The following ANK3 variants were observed in gnomAD, a reference collection of about 807,000 sequenced individuals.
The protein encoded by ANK3 is ankyrin-3.
A neutral mutation model predicts 370.9 loss-of-function variants in ANK3; 57 were observed. The observed-to-expected ratio is 0.15, with a 90% CI of 0.12 to 0.19. ANK3 has a LOEUF of 0.19. ANK3 is among the 10% of genes least tolerant of loss of function. ANK3 has a pLI of 1.00. For missense variants in ANK3, 4,439 were observed against 5,302.1 expected (o/e 0.84, Z 5.06); for synonymous variants, 1,929 against 1,946.3 (o/e 0.99, Z 0.23).
At chr10:60,594,352 T>C (rs980278473) in intron 2 of ANK3, among the ~76,000 whole-genome samples, 6 of 152,166 alleles carry the variant, frequency 3.9e-5, no homozygotes, top group African/African-American at 1.4e-4. Context: ...TAGGCAACAG[T>C]TATTAATACA....
chr10:60,146,458 C>A (rs951715010), intron 23 of ANK3, among the ~76,000 whole-genome samples: 3 of 152,132 alleles, frequency 2.0e-5, no homozygotes, highest in Non-Finnish European at 4.4e-5. Context: ...CTCCCACCCT[C>A]CACCCCCAAG....
chr10:60,357,105 T>TA (rs2057882596), intron 1 of ANK3, among the ~76,000 whole-genome samples: 1 of 152,158 alleles, frequency 6.6e-6, no homozygotes, highest in South Asian at 2.1e-4. Context: ...CCATCGTTTT[T>TA]ACTCCACTAT....
At chr10:60,378,906 AAC>A (rs2061172010) in intron 1 of ANK3, among the ~76,000 whole-genome samples, 1 of 152,098 alleles carries the variant, frequency 6.6e-6, no homozygotes, top group Non-Finnish European at 1.5e-5. Flanking sequence ...AAAAACAATC[AAC>A]AGAGTGAAAA....
intron 28 of ANK3, among the ~76,000 whole-genome samples, chr10:60,089,287 A>G (rs995124264): frequency 3.3e-5 from 5 of 152,096 alleles, no homozygotes; most frequent in African/African-American, 1.2e-4. Flanking sequence ...CCTTCACTCT[A>G]ATAGTTATGA....
At chr10:60,627,381 G>A (rs16915242) in intron 1 of ANK3, among the ~76,000 whole-genome samples, 8,553 of 151,084 alleles carry the variant, frequency 0.057, 308 homozygotes, top group African/African-American at 0.097. Context: ...TCTACTTGAC[G>A]TCGTTATTGT....
intron 1 of ANK3, among the ~76,000 whole-genome samples, chr10:60,357,748 A>G (rs531874391): frequency 1.4e-3 from 220 of 152,182 alleles, no homozygotes; most frequent in Admixed American, 2.8e-3. Context: ...AACCCTCTTC[A>G]TTTTTCACTT....
intron 18 of ANK3, among the ~76,000 whole-genome samples, chr10:60,174,401 C>T (rs1242199523): frequency 6.6e-6 from 1 of 152,122 alleles, no homozygotes; most frequent in East Asian, 1.9e-4. Flanking sequence ...TTTTGGTGAC[C>T]AGAATCCATT....
At chr10:60,426,579 T>C (rs1346049528) in intron 2 of ANK3, among the ~76,000 whole-genome samples, 1 of 152,142 alleles carries the variant, frequency 6.6e-6, no homozygotes, top group African/African-American at 2.4e-5. Flanking sequence ...ATCCAGATGA[T>C]GAAATCTGTT....
rs142708502 is a variant in ANK3 at position 60,672,736 on chromosome 10, C to T, written c.58-57512G>A. Among the ~76,000 whole-genome samples the T allele has an allele frequency of 3.0e-3, 457 of 152,312 alleles. 2 individuals carry two copies. The highest frequency in any genetic ancestry group is 0.01 in the African/African-American group (433 of 41,572). On this transcript the variant is annotated intron_variant, in intron 1 of 43. Transcript: ENST00000373827. ...AATGGGTCCTAGGAACCCAGATTTACAACCAGTTGATCAGAAGCATAGGTG... is the reference window on the plus strand; with the variant it reads ...AATGGGTCCTAGGAACCCAGATTTATAACCAGTTGATCAGAAGCATAGGTG...
In ANK3 at chr10:60,296,839, G is replaced by T. The variant is rs1450742570; in HGVS notation, c.115-17200C>A. Among the ~76,000 whole-genome samples the T allele has an allele frequency of 2.6e-5, 4 of 152,232 alleles. No homozygotes were observed. The East Asian group carries it at 5.8e-4, about 22-fold the overall frequency. The stretch of plus-strand genomic sequence containing the variant: ...AAAAAATATTTTAAAAATTAGCTGG[G>T]TGTGGTGGTCTACACCTGTAGTCCC... On this transcript the variant is annotated intron_variant, in intron 1 of 43. Transcript: ENST00000280772.
In ANK3 at chr10:60,706,449, C is replaced by T. The variant is rs1022671589; in HGVS notation, c.57+26814G>A. Among the ~76,000 whole-genome samples the T allele has an allele frequency of 3.3e-5, 5 of 152,100 alleles. No homozygotes were observed. The East Asian group carries it at 5.8e-4, about 18-fold the overall frequency. On this transcript the variant is annotated intron_variant, in intron 1 of 43. Transcript: ENST00000373827. ...TATTACAACCCCACCATAAACTTCA[C>T]CCCAACACAGAAACATCCCAAGCCT... is the stretch of plus-strand genomic sequence containing the variant.
intron 24 of ANK3, chr10:60,138,532 GCT>G (rs936098474): frequency 2.5e-6 from 1 of 401,140 alleles, no homozygotes. Flanking sequence ...TTTCAAAAAT[GCT>G]CTCTTTTAAT....
At chr10:60,328,429 C>T (rs1413380641) in intron 1 of ANK3, among the ~76,000 whole-genome samples, 7 of 151,944 alleles carry the variant, frequency 4.6e-5, no homozygotes, top group Admixed American at 4.6e-4. Context: ...AAGCAATGCT[C>T]AATAATAGAG....
chr10:60,273,368 G>T (rs1401093881), intron 4 of ANK3, among the ~76,000 whole-genome samples: 1 of 151,922 alleles, frequency 6.6e-6, no homozygotes, highest in Non-Finnish European at 1.5e-5. Flanking sequence ...ATATCATAAA[G>T]CTCACCTTTT....
chr10:60,110,898 C>T (rs946108251), intron 26 of ANK3, among the ~76,000 whole-genome samples: 1 of 152,156 alleles, frequency 6.6e-6, no homozygotes, highest in African/African-American at 2.4e-5. Flanking sequence ...AATGTTTCCA[C>T]TGAGAGGGGA....
chr10:60,085,277 T>C (rs2086372716), intron 30 of ANK3, 24 bp from the exon 31 acceptor site: 5 of 1,569,556 alleles, frequency 3.2e-6, no homozygotes, highest in Non-Finnish European at 4.4e-6. Flanking sequence ...AGCAGATATG[T>C]TGACTTTATC....
At chr10:60,684,764 A>G in intron 1 of ANK3, 1 of 1,566,282 alleles carries the variant, frequency 6.4e-7, no homozygotes, top group Non-Finnish European at 8.7e-7. Flanking sequence ...CCACTATGGA[A>G]GTCATATACC....
chr10:60,586,087 GAA>G (rs5785458), intron 2 of ANK3, among the ~76,000 whole-genome samples: 2 of 150,378 alleles, frequency 1.3e-5, no homozygotes, highest in East Asian at 3.9e-4. Flanking sequence ...TTAAAAAAGG[GAA>G]AAAAAAAACC....
In ANK3 at chr10:60,074,191, G is replaced by A. The variant is rs1051162066; in HGVS notation, c.6690C>T (p.His2230=). The change falls in exon 37 of 44, where the codon CAC becomes CAT. Residue 2230 remains histidine (H), a synonymous_variant. Transcript: ENST00000280772. ...QMKASSEEDD[H]NRVLSKGMRV... ...GCATGCCTTTGCTTAAAACCCGATT[G>A]TGGTCATCTTCTTCACTACTGGCTT... is the stretch of plus-strand genomic sequence containing the variant. 4.3e-6 allele frequency: 7 copies of A among 1,613,954 alleles called. No individual in the cohort carries two copies. Among genetic ancestry groups the A allele is most frequent in the Non-Finnish European group, 5.1e-6 (6 of 1,180,006 alleles).
Sources: allele counts gnomAD v4.1 joint callset (sites outside exome capture counted in the v4.1 genomes callset), GRCh38; gene constraint gnomAD v4.1.1; transcripts MANE v1.5; gene names NCBI Gene and HGNC (gene_info 2026-07-23, HGNC 2026-07-21).